The following PIEZO2 variants were observed in gnomAD, a reference collection of about 807,000 sequenced individuals.
The protein encoded by PIEZO2 is piezo type mechanosensitive ion channel component 2, also known as piezo-type mechanosensitive ion channel component 2.
PIEZO2 carries 172 observed loss-of-function variants against 337.3 expected under a neutral mutation model. That is an observed-to-expected ratio of 0.51 (90% CI 0.45 to 0.58). The LOEUF (loss-of-function observed/expected upper bound fraction) is 0.58, where lower values mean the gene tolerates loss of function less well. Among genes scored for constraint, PIEZO2 ranks in the 20% least tolerant of loss-of-function variants. The probability of loss-of-function intolerance (pLI) is 0.00; values close to 1 mark genes in which losing one functional copy is unlikely to be tolerated. For synonymous variants in PIEZO2, 1,251 were observed against 1,228.5 expected (o/e 1.02, Z -0.38); for missense variants, 3,028 against 3,391.3 (o/e 0.89, Z 2.66).
chr18:10,763,246 G>C lies in PIEZO2; in HGVS notation c.2947-148C>G, dbSNP rs546800255. ...GCGCAAGGAATTGCCCTAGGTGCTG[G>C]GGTACTAAAGTAGGTGAGTTATGGT... On this transcript the variant is annotated intron_variant, in intron 21 of 55. Transcript: ENST00000674853. 78 of 788,408 alleles carry C rather than the reference G, an allele frequency of 9.9e-5. No individual in the cohort carries two copies. In the African/African-American group the frequency reaches 1.3e-3, roughly 13 times the overall value. The allele number at this position is 788,408 out of a possible 1,614,324, so 48.8% of individuals were successfully genotyped here.
intron 1 of PIEZO2, among the ~76,000 whole-genome samples, chr18:11,075,950 C>T (rs1438668407): frequency 6.6e-6 from 1 of 151,996 alleles, no homozygotes; most frequent in Non-Finnish European, 1.5e-5. Context: ...CCACCATGCC[C>T]GGCTAATTTG....
At chr18:10,755,370 C>A (rs2037795914) in intron 27 of PIEZO2, among the ~76,000 whole-genome samples, 4 of 152,122 alleles carry the variant, frequency 2.6e-5, no homozygotes, top group Admixed American at 2.6e-4. Context: ...CAGTGAGGAT[C>A]AGAGGTTAGG....
chr18:10,946,865 A>T (rs1227760385), intron 3 of PIEZO2, among the ~76,000 whole-genome samples: 2 of 152,246 alleles, frequency 1.3e-5, no homozygotes, highest in Non-Finnish European at 2.9e-5. Context: ...GAGTAAGAAA[A>T]GGGCACTAAC....
In PIEZO2 at chr18:10,995,077, C is replaced by CAAA. The variant is rs767666232; in HGVS notation, c.161-15420_161-15418dup. Among the ~76,000 whole-genome samples, 41 of 28,296 alleles carry CAAA rather than the reference C, an allele frequency of 1.4e-3. 1 individual carries two copies. The highest frequency in any genetic ancestry group is 2.7e-3 in the Non-Finnish European group (36 of 13,156). 18.6% of individuals were successfully genotyped at this position (28,296 alleles called of 152,430 possible). ...TGGGCAACAGAGTGAGACTCCGTCT[C>CAAA]AAAAAAAAAAAAAAAAAAAGAAAAG... On this transcript the variant is annotated intron_variant, in intron 2 of 55. Coordinates refer to ENST00000674853, the MANE Select transcript of PIEZO2 (RefSeq NM_001378183.1).
intron 20 of PIEZO2, among the ~76,000 whole-genome samples, chr18:10,772,687 T>C (rs577468925): frequency 1.3e-5 from 2 of 152,324 alleles, no homozygotes; most frequent in South Asian, 2.1e-4. Flanking sequence ...ACCCCAGAGA[T>C]GATGCTCTCT....
At position 10,696,544 on chromosome 18, in the gene PIEZO2, A is replaced by C. The variant is rs537047366; in HGVS notation, c.6828-5T>G. The C allele has an allele frequency of 2.5e-6, 4 of 1,613,108 alleles. No individual in the cohort carries two copies. The highest frequency in any genetic ancestry group is 2.5e-6 in the Non-Finnish European group (3 of 1,179,908). On this transcript the variant is annotated splice_region_variant and splice_polypyrimidine_tract_variant and intron_variant, in intron 45 of 55. Transcript: ENST00000674853. ...GGCACATAGATCTCCAGCGTCCTGCAAAATGGAGACCCCCACCCCCAACCC... is the reference window on the plus strand; with the variant it reads ...GGCACATAGATCTCCAGCGTCCTGCCAAATGGAGACCCCCACCCCCAACCC...
At position 10,742,456 on chromosome 18, in the gene PIEZO2, T is replaced by C. The variant is rs367749940; in HGVS notation, c.4636+38A>G. 136 of 1,531,600 alleles carry C rather than the reference T, an allele frequency of 8.9e-5. 1 individual carries two copies. Among genetic ancestry groups the C allele is most frequent in the Middle Eastern group, 5.0e-4 (3 of 5,996 alleles). The allele number at this position is 1,531,600 out of a possible 1,614,324, so 94.9% of individuals were successfully genotyped here. ...TGCTCAATATCATGCTATTATTCAA[T>C]GTTAAAACTTGAATAAGAGGAAAAT... On this transcript the variant is annotated intron_variant, in intron 32 of 55. Transcript: ENST00000674853.
In PIEZO2 at chr18:10,861,394, C is replaced by A. The variant is rs946212884; in HGVS notation, c.493-4183G>T. 1.3e-5 allele frequency among the ~76,000 whole-genome samples: 2 copies of A among 152,150 alleles called. No individual in the cohort carries two copies. Among genetic ancestry groups the A allele is most frequent in the South Asian group, 4.1e-4 (2 of 4,826 alleles). On this transcript the variant is annotated intron_variant, in intron 5 of 55. Coordinates refer to ENST00000674853, the MANE Select transcript of PIEZO2 (RefSeq NM_001378183.1). This position sits in a 1 kb window ranked among gnomAD's most constrained non-coding sequence, Gnocchi z 4.3. ...AAAACTTATTTAAAGATATTTAAGT[C>A]CTTTATCTCACCTCTTTAAAAGTTT...
chr18:11,053,221 A>G (rs572929478), intron 2 of PIEZO2, among the ~76,000 whole-genome samples: 1 of 152,308 alleles, frequency 6.6e-6, no homozygotes, highest in South Asian at 2.1e-4. Flanking sequence ...TGACCAATCA[A>G]TTAATCTAAG....
rs907992035 is a variant in PIEZO2, at chr18:10,834,374, G to A, written c.917+20979C>T. Among the ~76,000 whole-genome samples the A allele has an allele frequency of 6.6e-6, 1 of 152,156 alleles. No individual in the cohort carries two copies. The highest frequency in any genetic ancestry group is 2.1e-4 in the South Asian group (1 of 4,824). On this transcript the variant is annotated intron_variant, in intron 7 of 55. Coordinates refer to ENST00000674853, the MANE Select transcript of PIEZO2 (RefSeq NM_001378183.1). This position sits in a 1 kb window ranked among gnomAD's most constrained non-coding sequence, Gnocchi z 4.5. ...TAGACCACACCTTATGGAGTTGTTG[G>A]GAGGATTAAATGAAGTAACTAGCAC...
At chr18:11,000,289 T>C (rs1412264300) in intron 2 of PIEZO2, among the ~76,000 whole-genome samples, 2 of 152,206 alleles carry the variant, frequency 1.3e-5, no homozygotes, top group Non-Finnish European at 2.9e-5. Flanking sequence ...AAAGCTCAAT[T>C]TTCTATTTCC....
Position 10,677,788 on chromosome 18 carries a change from T to A in PIEZO2, c.8040A>T (p.Lys2680Asn). The A allele has an allele frequency of 6.2e-7, 1 of 1,611,226 alleles. No homozygotes were observed. Among genetic ancestry groups the A allele is most frequent in the Non-Finnish European group, 8.5e-7 (1 of 1,179,432 alleles). ...TTTCTGTGCTGTTGCCTGCTATCAT[T>A]TTAGCGATATTCTTTCGAGTAATAT... ...LKNITRKNIA[K>N]MIAGNSTESS... is the part of the protein sequence containing the mutation. The change falls in exon 53 of 56, where the codon AAA becomes AAT. Residue 2680 changes from lysine (K) to asparagine (N), a missense_variant. Around this residue, in one of 5 missense-constraint regions of PIEZO2, gnomAD observed 332 missense variants for 363.8 expected, o/e 0.91. Coordinates refer to ENST00000674853, the MANE Select transcript of PIEZO2 (RefSeq NM_001378183.1). This position sits in a 1 kb window ranked among gnomAD's most constrained non-coding sequence, Gnocchi z 4.1.
chr18:10,704,618 T>C lies in PIEZO2; in HGVS notation c.6034A>G (p.Lys2012Glu). Reference sequence around the variant, plus strand: ...AATCGGGGCTGCCCCACGTAGAATTTCTCTGACTCTTCAAGCTCATCGTCG... The same window carrying C: ...AATCGGGGCTGCCCCACGTAGAATTCCTCTGACTCTTCAAGCTCATCGTCG... ...FHDDELEESE[K>E]FYVGQPRFLL... The change falls in exon 42 of 56, where the codon AAA (lysine) becomes GAA (glutamate). Residue 2012 changes from lysine (K) to glutamate (E), a missense_variant. Transcript: ENST00000674853. 1 of 1,537,206 alleles carries C rather than the reference T, an allele frequency of 6.5e-7. No homozygotes were observed. Among genetic ancestry groups the C allele is most frequent in the South Asian group, 1.2e-5 (1 of 84,052 alleles).
Position 11,035,048 on chromosome 18 carries a change from G to T in PIEZO2, c.160+31079C>A, listed in dbSNP as rs563828227. On this transcript the variant is annotated intron_variant, in intron 2 of 55. Transcript: ENST00000674853. This position sits in a 1 kb window ranked among gnomAD's most constrained non-coding sequence, Gnocchi z 4.3. ...GCAGAGCAAAGCAGAAGCAACCCCA[G>T]TTCCCAAATGCATGGCAAGCTCATT... 4.2e-4 allele frequency among the ~76,000 whole-genome samples: 64 copies of T among 152,326 alleles called. No homozygotes were observed. In the South Asian group the frequency reaches 0.013, roughly 31 times the overall value.
rs1016461562 is a variant in PIEZO2 at position 10,813,212 on chromosome 18, C to T, written c.918-5938G>A. On this transcript the variant is annotated intron_variant, in intron 7 of 55. Coordinates refer to ENST00000674853, the MANE Select transcript of PIEZO2 (RefSeq NM_001378183.1). The surrounding 1 kb of genome is among the most constrained non-coding windows in gnomAD (Gnocchi z 4.2). ...GCCAGGCTGGTCTCCAACTCCTGAC[C>T]TCGTGATTTGCCCGCCTGGGCCTCC... Among the ~76,000 whole-genome samples, 1 of 152,162 alleles carries T rather than the reference C, an allele frequency of 6.6e-6. No homozygotes were observed. The highest frequency in any genetic ancestry group is 2.4e-5 in the African/African-American group (1 of 41,432).
Position 10,962,341 on chromosome 18 carries a change from C to G in PIEZO2, c.286+17194G>C, listed in dbSNP as rs139482927. Among the ~76,000 whole-genome samples, 1 of 152,176 alleles carries G rather than the reference C, an allele frequency of 6.6e-6. No individual in the cohort carries two copies. Among genetic ancestry groups the G allele is most frequent in the Non-Finnish European group, 1.5e-5 (1 of 68,034 alleles). The stretch of plus-strand genomic sequence containing the variant: ...TTCCTGGTCACTCACGGCCCTCCCT[C>G]GGCTCCCCACAGCCTCATACTCACA... On this transcript the variant is annotated intron_variant, in intron 3 of 55. Transcript: ENST00000674853. This position sits in a 1 kb window ranked among gnomAD's most constrained non-coding sequence, Gnocchi z 4.1.
intron 3 of PIEZO2, among the ~76,000 whole-genome samples, chr18:10,939,499 A>T (rs1386957225): frequency 6.6e-6 from 1 of 152,230 alleles, no homozygotes; most frequent in Non-Finnish European, 1.5e-5. Flanking sequence ...TTACAATAGC[A>T]AAGACTTGGA....
Position 10,676,601 on chromosome 18 carries a change from A to T in PIEZO2, c.8081+1146T>A, listed in dbSNP as rs1009544461. Among the ~76,000 whole-genome samples the T allele has an allele frequency of 2.6e-5, 4 of 152,340 alleles. No homozygotes were observed. The East Asian group carries it at 7.7e-4, about 29-fold the overall frequency. On this transcript the variant is annotated intron_variant, in intron 53 of 55. Transcript: ENST00000674853. The surrounding 1 kb of genome is among the most constrained non-coding windows in gnomAD (Gnocchi z 5.1). ...GAGACCCAGGGGCAGGAATAATAGT[A>T]GAAAAGGGTCTCACAGGGTCTTTGC... is the stretch of plus-strand genomic sequence containing the variant.
rs1181694382 is a variant in PIEZO2 at position 10,943,545 on chromosome 18, A to G, written c.287-32317T>C. 2.0e-5 allele frequency among the ~76,000 whole-genome samples: 3 copies of G among 152,218 alleles called. No individual in the cohort carries two copies. Among genetic ancestry groups the G allele is most frequent in the Non-Finnish European group, 4.4e-5 (3 of 68,034 alleles). On this transcript the variant is annotated intron_variant, in intron 3 of 55. Coordinates refer to ENST00000674853, the MANE Select transcript of PIEZO2 (RefSeq NM_001378183.1). The surrounding 1 kb of genome is among the most constrained non-coding windows in gnomAD (Gnocchi z 4.5). ...CATTTGGAATGGCTTTATTTGCCCAATGCCTTTACCCCCATTGTATACAGG... is the reference window on the plus strand; with the variant it reads ...CATTTGGAATGGCTTTATTTGCCCAGTGCCTTTACCCCCATTGTATACAGG...
Sources: gnomAD v4.1 joint callset for allele counts (sites outside exome capture counted in the v4.1 genomes callset) on GRCh38, gnomAD v4.1.1 for gene constraint, gnomAD v4.1.1 regional missense constraint, Gnocchi (gnomAD v3.1) non-coding constraint, MANE v1.5 for transcripts, NCBI Gene and HGNC (gene_info 2026-07-23, HGNC 2026-07-21) for gene names.